Variants in ABCA4 observed in about 807,000 individuals in gnomAD.
ABCA4 encodes ATP binding cassette subfamily A member 4.
A neutral mutation model predicts 263.7 loss-of-function variants in ABCA4; 196 were observed. That is an observed-to-expected ratio of 0.74 (90% CI 0.66 to 0.84). The LOEUF is 0.84. Ranked by LOEUF, ABCA4 falls within the 40% of genes least tolerant of loss-of-function variation. ABCA4 has a pLI of 0.00. For synonymous variants in ABCA4, 1,133 were observed against 1,094.2 expected (o/e 1.04, Z -0.70); for missense variants, 2,792 against 2,855.1 (o/e 0.98, Z 0.50).
At chr1:94,092,546 G>C (rs148075653) in intron 6 of ABCA4, among the ~76,000 whole-genome samples, 3 of 152,294 alleles carry the variant, frequency 2.0e-5, no homozygotes, top group African/African-American at 7.2e-5. Flanking sequence ...CTCAATCACT[G>C]GGGGGTTGGG....
rs1662931324 is a variant in ABCA4 at position 94,120,927 on chromosome 1, A to G, written c.66+53T>C. On this transcript the variant is annotated intron_variant, in intron 1 of 49. Transcript: ENST00000370225. Reference sequence around the variant, plus strand: ...CCCACCACCCCACCCCACACTTCCAACCTGTTTATTTGCTCCACACCTCAT... The same window carrying G: ...CCCACCACCCCACCCCACACTTCCAGCCTGTTTATTTGCTCCACACCTCAT... The G allele has an allele frequency of 7.2e-6, 9 of 1,257,358 alleles. No individual in the cohort carries two copies. The Admixed American group carries it at 9.7e-5, about 14-fold the overall frequency. The allele number at this position is 1,257,358 out of a possible 1,614,324, so 77.9% of individuals were successfully genotyped here.
chr1:94,000,923 TC>T lies in ABCA4; in HGVS notation c.6391del (p.Glu2131LysfsTer14). On this transcript the variant is annotated frameshift_variant, in exon 47 of 50. Transcript: ENST00000370225. LOFTEE classifies it high-confidence loss of function. ...CCGGGTACACAGTGCCTCACATTCT[TC>T]CATGCTGTGGGGCAGGAGAGAGGAG... ...RAVVLTSHSM[E>X]ECEALCTRLA... 3.7e-6 allele frequency: 6 copies of T among 1,614,196 alleles called. No individual in the cohort carries two copies. Among genetic ancestry groups the T allele is most frequent in the Non-Finnish European group, 5.1e-6 (6 of 1,180,028 alleles).
At chr1:94,062,815 G>A (rs765933423) in intron 12 of ABCA4, 62 bp from the exon 13 acceptor site, 27 of 1,537,092 alleles carry the variant, frequency 1.8e-5, no homozygotes, top group Middle Eastern at 1.7e-4. Context: ...CACACCTCCC[G>A]ACCACAGGGT....
At position 94,005,601 on chromosome 1, in the gene ABCA4, T is replaced by A. The variant is rs370004173; in HGVS notation, c.6006-19A>T. The A allele has an allele frequency of 2.5e-6, 4 of 1,612,226 alleles. No homozygotes were observed. The African/African-American group carries it at 5.3e-5, about 22-fold the overall frequency. The stretch of plus-strand genomic sequence containing the variant: ...TAAAATACTGCAAGAAAAAAAGCAA[T>A]TACTGAGTATCCTTCAAGGAGTGGA... On this transcript the variant is annotated intron_variant, in intron 43 of 49. Transcript: ENST00000370225.
In ABCA4 at chr1:94,066,591, T is replaced by C. The variant is rs573215729; in HGVS notation, c.1555-3274A>G. Among the ~76,000 whole-genome samples, 4 of 152,390 alleles carry C rather than the reference T, an allele frequency of 2.6e-5. No homozygotes were observed. The South Asian group carries it at 6.2e-4, about 24-fold the overall frequency. On this transcript the variant is annotated intron_variant, in intron 11 of 49. Transcript: ENST00000370225. Reference sequence around the variant, plus strand: ...TAGAGGGCTTGTGGTCTGATGTTCTTACTTGGCTGGTGAAGAAATTGGGAT... The same window carrying C: ...TAGAGGGCTTGTGGTCTGATGTTCTCACTTGGCTGGTGAAGAAATTGGGAT...
In ABCA4 at chr1:94,062,716, C is replaced by A. The variant is rs61752397; in HGVS notation, c.1798G>T (p.Asp600Tyr). 1.2e-6 allele frequency: 2 copies of A among 1,614,154 alleles called. No homozygotes were observed. Among genetic ancestry groups the A allele is most frequent in the South Asian group, 1.1e-5 (1 of 91,064 alleles). ...AACCCGCCCCAGATGTACCGGAAAT[C>A]TTCCACGGGATCAGCTCTGGGACCA... is the stretch of plus-strand genomic sequence containing the variant. ...DSGPRADPVE[D>Y]FRYIWGGFAY... Residue 600 changes from aspartate (D) to tyrosine (Y), a missense_variant, in exon 13 of 50, where the codon GAT becomes TAT. Coordinates refer to ENST00000370225, the MANE Select transcript of ABCA4 (RefSeq NM_000350.3).
In ABCA4 at chr1:94,005,014, C is replaced by T. The variant is rs188659893; in HGVS notation, c.6147+427G>A. Among the ~76,000 whole-genome samples, 6 of 152,224 alleles carry T rather than the reference C, an allele frequency of 3.9e-5. No homozygotes were observed. The East Asian group carries it at 5.8e-4, about 15-fold the overall frequency. ...CTTTTCTTCTTCTTTTTTATAGTTG[C>T]GTAAGACTTTATTGTGTGTCTGTAC... is the stretch of plus-strand genomic sequence containing the variant. On this transcript the variant is annotated intron_variant, in intron 44 of 49. Transcript: ENST00000370225.
intron 4 of ABCA4, among the ~76,000 whole-genome samples, chr1:94,107,929 T>C (rs1662487409): frequency 6.6e-6 from 1 of 152,044 alleles, no homozygotes; most frequent in African/African-American, 2.4e-5. Context: ...TCCATTTCCG[T>C]GCTCATCTGC....
intron 11 of ABCA4, among the ~76,000 whole-genome samples, chr1:94,070,069 G>A (rs971514128): frequency 1.3e-5 from 2 of 152,170 alleles, no homozygotes; most frequent in African/African-American, 2.4e-5. Context: ...AGCTCTTAAA[G>A]TTTCTTGTTG....
In ABCA4 at chr1:94,008,769, C is replaced by T; in HGVS notation, c.5817G>A (p.Arg1939=). ...CCCTTACCTTGGTTAGTTCATGTAG[C>T]CTTAAGATGTCAGTTTTATTTCCAC... ...ITGGNKTDIL[R]LHELTKIYPG... Residue 1939 remains arginine (R), a synonymous_variant, in exon 41 of 50, where the codon AGG becomes AGA. Transcript: ENST00000370225. 1 of 1,614,030 alleles carries T rather than the reference C, an allele frequency of 6.2e-7. No homozygotes were observed. The highest frequency in any genetic ancestry group is 1.7e-5 in the Admixed American group (1 of 60,020).
chr1:94,088,952 T>A (rs1364907798), intron 6 of ABCA4, among the ~76,000 whole-genome samples: 2 of 152,236 alleles, frequency 1.3e-5, no homozygotes, highest in East Asian at 3.8e-4. Context: ...TTCTCTTCTT[T>A]CTGAATTTGT....
intron 24 of ABCA4, among the ~76,000 whole-genome samples, chr1:94,039,784 C>G (rs539401648): frequency 5.9e-5 from 9 of 152,332 alleles, no homozygotes; most frequent in African/African-American, 1.9e-4. Context: ...GGAATGATGG[C>G]TTACTAAGGG....
intron 20 of ABCA4, among the ~76,000 whole-genome samples, chr1:94,044,274 G>A (rs1660608315): frequency 6.6e-6 from 1 of 152,206 alleles, no homozygotes; most frequent in Non-Finnish European, 1.5e-5. Context: ...ACAGGAAAAA[G>A]GAACAATGGT....
Position 94,041,331 on chromosome 1 carries a change from C to T in ABCA4, c.3400G>A (p.Ala1134Thr). ...CCTGAGCAGTAGAGCCTTCCCTGGG[C>T]AATGATGGCAATGCGGTCCCCAAGG... Reference protein sequence around the residue: ...DLLGDRIAIIAQGRLYCSGTP... With the variant: ...DLLGDRIAIITQGRLYCSGTP... The change falls in exon 23 of 50, where the codon GCC becomes ACC. Residue 1134 changes from alanine to threonine, a missense_variant. Physicochemically the swap from Ala to Thr is moderately conservative, Grantham distance 58. Coordinates refer to ENST00000370225, the MANE Select transcript of ABCA4 (RefSeq NM_000350.3). 1 of 1,614,120 alleles carries T rather than the reference C, an allele frequency of 6.2e-7. No homozygotes were observed. Among genetic ancestry groups the T allele is most frequent in the South Asian group, 1.1e-5 (1 of 91,082 alleles).
intron 11 of ABCA4, among the ~76,000 whole-genome samples, chr1:94,065,741 G>T (rs1344269736): frequency 1.3e-5 from 2 of 152,170 alleles, no homozygotes; most frequent in South Asian, 2.1e-4. Flanking sequence ...ATTCTAAAGG[G>T]CCCAGGCTTA....
intron 47 of ABCA4, among the ~76,000 whole-genome samples, chr1:93,998,713 A>ATTTTAT (rs1553186205): frequency 2.5e-4 from 33 of 133,706 alleles, no homozygotes; most frequent in African/African-American, 9.2e-4. Context: ...ATTTTATTTT[A>ATTTTAT]TTTATTTTAT....
intron 19 of ABCA4, among the ~76,000 whole-genome samples, chr1:94,045,494 G>A (rs746097634): frequency 2.6e-5 from 4 of 152,156 alleles, no homozygotes; most frequent in Non-Finnish European, 4.4e-5. Flanking sequence ...GAAGTTGCAT[G>A]TCAGCAGCCG....
chr1:94,088,056 C>T (rs537016272), intron 6 of ABCA4, among the ~76,000 whole-genome samples: 9 of 152,300 alleles, frequency 5.9e-5, no homozygotes, highest in Non-Finnish European at 7.4e-5. Context: ...AAGCATAGTC[C>T]GTAATCAGTG....
intron 48 of ABCA4, 25 bp from the exon 49 acceptor site, chr1:93,996,220 T>A: frequency 6.4e-7 from 1 of 1,570,512 alleles, no homozygotes; most frequent in Non-Finnish European, 8.8e-7. Context: ...AGAGCGAGAT[T>A]AGGTAGATAT....
Sources: allele counts gnomAD v4.1 joint callset (sites outside exome capture counted in the v4.1 genomes callset), GRCh38; gene constraint gnomAD v4.1.1; transcripts MANE v1.5; gene names NCBI Gene and HGNC (gene_info 2026-07-23, HGNC 2026-07-21).